WDR49: variants seen among roughly 807,000 people sequenced by gnomAD.
WDR49 encodes the protein cilia- and flagella-associated protein 337.
In WDR49, 107 loss-of-function variants were observed where a neutral mutation model predicts 119.5. The observed-to-expected ratio is 0.90, with a 90% CI of 0.77 to 1.05. The LOEUF is 1.05. Among genes scored for constraint, WDR49 ranks in the 50% least tolerant of loss-of-function variants. The probability of loss-of-function intolerance (pLI) is 0.00; values close to 1 mark genes in which losing one functional copy is unlikely to be tolerated. For synonymous variants in WDR49, 425 were observed against 418.8 expected (o/e 1.01, Z -0.18); for missense variants, 1,240 against 1,220.5 (o/e 1.02, Z -0.24).
intron 18 of WDR49, among the ~76,000 whole-genome samples, chr3:167,488,221 T>C (rs1446317737): frequency 6.8e-6 from 1 of 147,520 alleles, no homozygotes; most frequent in Non-Finnish European, 1.5e-5. Context: ...CCATAAAAAA[T>C]ATGAAATCAT....
chr3:167,631,930 C>T (rs1311478904), intron 2 of WDR49, among the ~76,000 whole-genome samples: 1 of 151,954 alleles, frequency 6.6e-6, no homozygotes, highest in South Asian at 2.1e-4. Flanking sequence ...TGATATCGAG[C>T]CCTTTGAACC....
intron 2 of WDR49, among the ~76,000 whole-genome samples, chr3:167,650,277 G>A (rs549196492): frequency 8.5e-4 from 129 of 152,224 alleles, no homozygotes; most frequent in African/African-American, 3.0e-3. Flanking sequence ...TGTAAAATAT[G>A]GTTGACATCA....
intron 12 of WDR49, among the ~76,000 whole-genome samples, chr3:167,532,529 C>T (rs1306296368): frequency 6.6e-6 from 1 of 152,040 alleles, no homozygotes; most frequent in South Asian, 2.1e-4. Context: ...ACATGAATTT[C>T]CATTTTTTTA....
At chr3:167,628,773 T>C (rs144702351) in intron 2 of WDR49, among the ~76,000 whole-genome samples, 50 of 152,260 alleles carry the variant, frequency 3.3e-4, no homozygotes, top group African/African-American at 1.2e-3. Context: ...ACGTTTTCAA[T>C]GTAAATGAAA....
Position 167,620,488 on chromosome 3 carries a change from C to T in WDR49, c.899G>A (p.Cys300Tyr). ...TINWAELLSG[C>Y]HKCCHILEHK... is the part of the protein sequence containing the mutation. ...CTCTAATATATGGCAACATTTGTGA[C>T]ATCCAGAGAGCAGCTCTGCCCAGTT... The change falls in exon 5 of 19, where the codon TGT (cysteine) becomes TAT (tyrosine). Residue 300 changes from cysteine to tyrosine, a missense_variant. Transcript: ENST00000682715. 1 of 1,536,144 alleles carries T rather than the reference C, an allele frequency of 6.5e-7. No homozygotes were observed. Among genetic ancestry groups the T allele is most frequent in the Non-Finnish European group, 8.7e-7 (1 of 1,146,748 alleles).
chr3:167,598,810 C>A (rs1348917563), intron 7 of WDR49, among the ~76,000 whole-genome samples: 1 of 152,216 alleles, frequency 6.6e-6, no homozygotes, highest in Admixed American at 6.5e-5. Flanking sequence ...GCACCCCAAA[C>A]CCAGTGATGC....
At chr3:167,598,476 A>T (rs1715602636) in intron 7 of WDR49, among the ~76,000 whole-genome samples, 1 of 152,012 alleles carries the variant, frequency 6.6e-6, no homozygotes, top group Non-Finnish European at 1.5e-5. Context: ...CAGTTTCCTC[A>T]TGCTGTTCTC....
At chr3:167,547,504 C>G (rs2108259529) in intron 10 of WDR49, among the ~76,000 whole-genome samples, 1 of 151,762 alleles carries the variant, frequency 6.6e-6, no homozygotes, top group South Asian at 2.1e-4. Flanking sequence ...TCATTAAGAT[C>G]ATGACCAAGA....
chr3:167,495,170 A>G (rs960425759), intron 18 of WDR49, among the ~76,000 whole-genome samples: 7 of 152,202 alleles, frequency 4.6e-5, no homozygotes, highest in African/African-American at 1.7e-4. Context: ...TATATATATT[A>G]GAAGCAGACC....
intron 6 of WDR49, among the ~76,000 whole-genome samples, chr3:167,603,933 G>A (rs1384809625): frequency 6.6e-6 from 1 of 152,004 alleles, no homozygotes; most frequent in African/African-American, 2.4e-5. Flanking sequence ...GGTAGCTGTA[G>A]TAGTAGCAAC....
At chr3:167,502,273 A>G (rs1159147495) in intron 17 of WDR49, among the ~76,000 whole-genome samples, 1 of 152,238 alleles carries the variant, frequency 6.6e-6, no homozygotes, top group Non-Finnish European at 1.5e-5. Flanking sequence ...AACAGCCTGC[A>G]GAACCGTGAT....
intron 16 of WDR49, among the ~76,000 whole-genome samples, chr3:167,513,743 C>T (rs1056783725): frequency 4.0e-5 from 6 of 151,782 alleles, no homozygotes; most frequent in Admixed American, 3.9e-4. Flanking sequence ...CACATAGGCT[C>T]AAAATAAAGG....
intron 17 of WDR49, among the ~76,000 whole-genome samples, chr3:167,500,898 T>C (rs188160691): frequency 9.3e-4 from 142 of 152,358 alleles, no homozygotes; most frequent in Non-Finnish European, 1.5e-3. Context: ...ATTTTATGTT[T>C]CTTTGTTAGT....
At chr3:167,489,073 A>G (rs1751029430) in intron 18 of WDR49, among the ~76,000 whole-genome samples, 1 of 152,064 alleles carries the variant, frequency 6.6e-6, no homozygotes, top group African/African-American at 2.4e-5. Flanking sequence ...TCTTATCAAT[A>G]TCATTCTCCA....
chr3:167,628,901 G>C (rs1326980872), intron 2 of WDR49, among the ~76,000 whole-genome samples: 1 of 152,108 alleles, frequency 6.6e-6, no homozygotes, highest in Non-Finnish European at 1.5e-5. Context: ...GATGTAACTG[G>C]TGAGTTTAAG....
intron 18 of WDR49, 139 bp from the exon 19 acceptor site, chr3:167,479,135 A>G (rs1750596962): frequency 1.7e-5 from 11 of 640,842 alleles, no homozygotes. Context: ...ATTTGGAAAA[A>G]TTTTCTCTAA....
intron 8 of WDR49, among the ~76,000 whole-genome samples, chr3:167,564,753 CT>C (rs1713489857): frequency 6.6e-6 from 1 of 152,146 alleles, no homozygotes; most frequent in South Asian, 2.1e-4. Context: ...TATGTGTCTC[CT>C]TTTTGTTTCT....
chr3:167,621,550 C>T lies in WDR49; in HGVS notation c.700G>A (p.Gly234Arg). 1 of 1,535,458 alleles carries T rather than the reference C, an allele frequency of 6.5e-7. No homozygotes were observed. The highest frequency in any genetic ancestry group is 8.7e-7 in the Non-Finnish European group (1 of 1,146,416). Residue 234 changes from glycine to arginine, a missense_variant, in exon 4 of 19, where the codon GGA (glycine) becomes AGA (arginine). By Grantham distance (125) the Gly-to-Arg change is moderately radical. Coordinates refer to ENST00000682715, the MANE Select transcript of WDR49 (RefSeq NM_001366157.1). ...CAATAATCCATGCAAATTGGTGTTCCTTTCAGGCCTTGGAGTTTGTATTGG... is the reference window on the plus strand; with the variant it reads ...CAATAATCCATGCAAATTGGTGTTCTTTTCAGGCCTTGGAGTTTGTATTGG... ...ACQYKLQGLK[G>R]TPICMDYWYD...
Position 167,533,913 on chromosome 3 carries a change from A to T in WDR49, c.1955-936T>A, listed in dbSNP as rs181258677. On this transcript the variant is annotated intron_variant, in intron 11 of 18. Transcript: ENST00000682715. ...GGGAGAGGAGAGAGAAATGCACACC[A>T]AACTCTGTATTGTCCTAGAAAGAGC... Among the ~76,000 whole-genome samples, 321 of 152,162 alleles carry T rather than the reference A, an allele frequency of 2.1e-3. 2 individuals carry two copies. The highest frequency in any genetic ancestry group is 7.6e-3 in the African/African-American group (316 of 41,524).
Sources: allele counts gnomAD v4.1 joint callset (sites outside exome capture counted in the v4.1 genomes callset), GRCh38; gene constraint gnomAD v4.1.1; transcripts MANE v1.5; gene names NCBI Gene and HGNC (gene_info 2026-07-23, HGNC 2026-07-21).